NAV2: variants seen among roughly 807,000 people sequenced by gnomAD.
NAV2 encodes the protein helicase, APC down-regulated 1.
A neutral mutation model predicts 223.2 loss-of-function variants in NAV2; 54 were observed. The observed-to-expected ratio is 0.24, with a 90% CI of 0.19 to 0.30. The LOEUF (loss-of-function observed/expected upper bound fraction) is 0.30, where lower values mean the gene tolerates loss of function less well. Among genes scored for constraint, NAV2 ranks in the 10% least tolerant of loss-of-function variants. NAV2 has a pLI of 1.00. For synonymous variants in NAV2, 1,279 were observed against 1,239.3 expected (o/e 1.03, Z -0.67); for missense variants, 2,806 against 3,147.5 (o/e 0.89, Z 2.60).
At chr11:20,110,818 C>T (rs981111629) in intron 36 of NAV2, among the ~76,000 whole-genome samples, 5 of 152,196 alleles carry the variant, frequency 3.3e-5, no homozygotes, top group African/African-American at 7.2e-5. Context: ...TCACCTAACC[C>T]GGGTAAGTGG....
At chr11:20,053,218 GAAAAAAAAAAA>G (rs60421659) in intron 17 of NAV2, among the ~76,000 whole-genome samples, 6 of 40,976 alleles carry the variant, frequency 1.5e-4, no homozygotes, top group African/African-American at 3.0e-4. Flanking sequence ...ACTACGTCTC[GAAAAAAAAAAA>G]AAAAAAAAAA....
chr11:19,693,346 A>G (rs1420162222), intron 1 of NAV2, among the ~76,000 whole-genome samples: 1 of 152,156 alleles, frequency 6.6e-6, no homozygotes, highest in Admixed American at 6.5e-5. Context: ...AGGAAATACA[A>G]ACAACAATTT....
Position 19,354,831 on chromosome 11 carries a change from G to A in NAV2, c.75+3804G>A, listed in dbSNP as rs191413432. 1.2e-4 allele frequency among the ~76,000 whole-genome samples: 19 copies of A among 152,286 alleles called. No individual in the cohort carries two copies. In the East Asian group the frequency reaches 3.3e-3, roughly 26 times the overall value. On this transcript the variant is annotated intron_variant, in intron 1 of 37. Coordinates refer to the NAV2 transcript ENST00000360655. ...CGGCTGGCTGTGGGAAGATCAGGAG[G>A]CAGCTCTCAGATGTGAATGTGCCCA...
intron 1 of NAV2, among the ~76,000 whole-genome samples, chr11:19,688,119 C>T (rs2049073896): frequency 6.6e-6 from 1 of 152,166 alleles, no homozygotes; most frequent in Admixed American, 6.5e-5. Flanking sequence ...GAAGGTCTAC[C>T]TAGAGTTGGC....
chr11:19,915,456 C>T (rs550298911), intron 6 of NAV2, among the ~76,000 whole-genome samples: 1 of 152,112 alleles, frequency 6.6e-6, no homozygotes, highest in East Asian at 1.9e-4. Flanking sequence ...TTTGCTGTGC[C>T]CTCCCTTCTC....
At chr11:19,890,837 G>C (rs2041447465) in intron 5 of NAV2, among the ~76,000 whole-genome samples, 1 of 152,206 alleles carries the variant, frequency 6.6e-6, no homozygotes, top group Non-Finnish European at 1.5e-5. Flanking sequence ...GGCACTGCTA[G>C]TATTTTGTAC....
chr11:19,386,232 G>A (rs1232283835), intron 1 of NAV2, among the ~76,000 whole-genome samples: 1 of 152,216 alleles, frequency 6.6e-6, no homozygotes, highest in Non-Finnish European at 1.5e-5. Context: ...ATCAAACACA[G>A]AAGGAACAGC....
chr11:20,094,842 C>T (rs2061134018), intron 29 of NAV2, among the ~76,000 whole-genome samples: 1 of 152,144 alleles, frequency 6.6e-6, no homozygotes, highest in African/African-American at 2.4e-5. Flanking sequence ...CCATATGACA[C>T]CTCCCCCACC....
intron 1 of NAV2, among the ~76,000 whole-genome samples, chr11:19,396,759 G>A (rs993877603): frequency 2.0e-5 from 3 of 152,212 alleles, no homozygotes; most frequent in African/African-American, 7.2e-5. Flanking sequence ...AGATATTTGT[G>A]TGGCAGTGGA....
chr11:19,692,361 C>G (rs573862819), intron 1 of NAV2, among the ~76,000 whole-genome samples: 2 of 152,364 alleles, frequency 1.3e-5, no homozygotes, highest in East Asian at 3.9e-4. Flanking sequence ...AAGCACCAAC[C>G]AAATGTATGT....
chr11:19,799,937 A>G (rs2058139123), intron 1 of NAV2, among the ~76,000 whole-genome samples: 2 of 152,130 alleles, frequency 1.3e-5, no homozygotes, highest in African/African-American at 2.4e-5. Context: ...TCCTTTTCAC[A>G]AGAGTAATTT....
intron 11 of NAV2, among the ~76,000 whole-genome samples, chr11:20,034,095 G>A (rs1203835209): frequency 6.6e-6 from 1 of 152,182 alleles, no homozygotes; most frequent in Non-Finnish European, 1.5e-5. Context: ...ATACAAAACT[G>A]TCTGCAGTCA....
intron 5 of NAV2, among the ~76,000 whole-genome samples, chr11:19,889,068 C>T (rs2041269859): frequency 6.6e-6 from 1 of 152,172 alleles, no homozygotes; most frequent in Non-Finnish European, 1.5e-5. Context: ...GCTTGGGTGT[C>T]TCAGGTTCTT....
Position 19,575,747 on chromosome 11 carries a change from GC to G in NAV2, c.75+224722del, listed in dbSNP as rs149560182. On this transcript the variant is annotated intron_variant, in intron 1 of 37. Transcript: ENST00000360655. ...CCAACTAAAGTGGGAGCTCCCGATG[GC>G]CAGGGATCCATGTCGTTCATCTCTG... Among the ~76,000 whole-genome samples, 1,292 of 152,296 alleles carry G rather than the reference GC, an allele frequency of 8.5e-3. 15 individuals carry two copies. Among genetic ancestry groups the G allele is most frequent in the Middle Eastern group, 0.044 (13 of 294 alleles).
intron 12 of NAV2, among the ~76,000 whole-genome samples, chr11:20,043,070 C>T (rs931359313): frequency 2.6e-5 from 4 of 152,148 alleles, no homozygotes; most frequent in East Asian, 1.9e-4. Context: ...ATGCTGGGGT[C>T]GGAGCAGGCA....
chr11:19,572,834 C>G (rs747792291), intron 1 of NAV2, among the ~76,000 whole-genome samples: 1 of 152,298 alleles, frequency 6.6e-6, no homozygotes, highest in Non-Finnish European at 1.5e-5. Flanking sequence ...TGATAAATGA[C>G]AGGGATTATA....
At chr11:19,542,886 C>T (rs1467723994) in intron 1 of NAV2, among the ~76,000 whole-genome samples, 1 of 152,218 alleles carries the variant, frequency 6.6e-6, no homozygotes, top group Non-Finnish European at 1.5e-5. Flanking sequence ...AAACCCTCCC[C>T]TTCCTGGGTA....
At chr11:19,423,820 G>T (rs548001641) in intron 1 of NAV2, among the ~76,000 whole-genome samples, 1 of 152,300 alleles carries the variant, frequency 6.6e-6, no homozygotes, top group African/African-American at 2.4e-5. Context: ...GGGGCCAGGG[G>T]AGACTTCTGA....
intron 1 of NAV2, among the ~76,000 whole-genome samples, chr11:19,367,665 G>T (rs1848334405): frequency 6.6e-6 from 1 of 152,138 alleles, no homozygotes; most frequent in African/African-American, 2.4e-5. Flanking sequence ...CCAGAGTGCA[G>T]CTATTCCTTG....
Sources: gnomAD v4.1 joint callset for allele counts (sites outside exome capture counted in the v4.1 genomes callset) on GRCh38, gnomAD v4.1.1 for gene constraint, MANE v1.5 for transcripts, NCBI Gene and HGNC (gene_info 2026-07-23, HGNC 2026-07-21) for gene names.